Variants in FIGNL1 observed in about 807,000 individuals in gnomAD.
The protein encoded by FIGNL1 is fidgetin like 1.
In FIGNL1, 11 loss-of-function variants were observed where a neutral mutation model predicts 28.9. That is an observed-to-expected ratio of 0.38 (90% CI 0.24 to 0.63). The LOEUF (loss-of-function observed/expected upper bound fraction) is 0.63, where lower values mean the gene tolerates loss of function less well. Among genes scored for constraint, FIGNL1 ranks in the 20% least tolerant of loss-of-function variants. The probability of loss-of-function intolerance (pLI) is 0.57; values close to 1 mark genes in which losing one functional copy is unlikely to be tolerated. For missense variants in FIGNL1, 789 were observed against 810.4 expected (o/e 0.97, Z 0.32); for synonymous variants, 295 against 276.5 (o/e 1.07, Z -0.66).
chr7:50,446,784 A>G lies in FIGNL1; in HGVS notation c.504T>C (p.His168=), dbSNP rs141530086. 5.0e-6 allele frequency: 8 copies of G among 1,614,116 alleles called. No individual in the cohort carries two copies. The African/African-American group carries it at 9.3e-5, about 19-fold the overall frequency. Residue 168 remains histidine, a synonymous_variant, in exon 4 of 4, where the codon CAT becomes CAC. Coordinates refer to ENST00000433017, the MANE Select transcript of FIGNL1 (RefSeq NM_001287492.4). ...GGAAGTCTTGGGTCCGGTCTCGATCATGAGCTGAGTTAGGTAATGAGTCAC... is the reference window on the plus strand; with the variant it reads ...GGAAGTCTTGGGTCCGGTCTCGATCGTGAGCTGAGTTAGGTAATGAGTCAC... ...QESDSLPNSA[H]DRDRTQDFPE... is the part of the protein sequence containing the mutation.
chr7:50,446,963 CATTA>C lies in FIGNL1; in HGVS notation c.321_324del (p.Asn107LysfsTer5), dbSNP rs757776900. The C allele has an allele frequency of 6.2e-7, 1 of 1,614,202 alleles. No individual in the cohort carries two copies. Among genetic ancestry groups the C allele is most frequent in the Admixed American group, 1.7e-5 (1 of 60,024 alleles). On this transcript the variant is annotated frameshift_variant, in exon 4 of 4. Transcript: ENST00000433017. LOFTEE classifies it low-confidence loss of function (END_TRUNC). Reference sequence around the variant, plus strand: ...TTCTGTACACTACTCATTTTGAAAACATTATTTATTGACAATCCAGACTGCCACT... The same window carrying C: ...TTCTGTACACTACTCATTTTGAAAACTTTATTGACAATCCAGACTGCCACT...
At chr7:50,448,580 G>A (rs1821447660) in intron 2 of FIGNL1, 1 of 152,116 alleles carries the variant, frequency 6.6e-6, no homozygotes, top group African/African-American at 2.4e-5. Context: ...CATATTGCTA[G>A]ATATATAGAA....
chr7:50,446,570 C>T lies in FIGNL1; in HGVS notation c.718G>A (p.Val240Met), dbSNP rs139245614. The T allele has an allele frequency of 5.6e-5, 91 of 1,614,122 alleles. 1 individual carries two copies. Among genetic ancestry groups the T allele is most frequent in the Non-Finnish European group, 5.8e-5 (69 of 1,180,030 alleles). The change falls in exon 4 of 4, where the codon GTG becomes ATG. Residue 240 changes from valine to methionine, a missense_variant. Coordinates refer to ENST00000433017, the MANE Select transcript of FIGNL1 (RefSeq NM_001287492.4). ...AAACAAGACTGGTTAGATAAGAACA[C>T]ATTAAGTCCTATGTTTTCTTTTGCA... ...SSAKENIGLN[V>M]FLSNQSCFPA... is the part of the protein sequence containing the mutation.
rs1820754035 is a variant in FIGNL1 at position 50,446,191 on chromosome 7, G to A, written c.1097C>T (p.Thr366Ile). 6.2e-7 allele frequency: 1 copy of A among 1,614,064 alleles called. No individual in the cohort carries two copies. ...CTCATCAACTGGATGTGCTGGTTCT[G>A]TAGGTCCTGCCCCATAAGGCTTACA... ...MQCKPYGAGP[T>I]EPAHPVDERL... is the part of the protein sequence containing the mutation. Residue 366 changes from threonine to isoleucine, a missense_variant, in exon 4 of 4, where the codon ACA (threonine) becomes ATA (isoleucine). By Grantham distance (89) the Thr-to-Ile change is moderately conservative. Coordinates refer to ENST00000433017, the MANE Select transcript of FIGNL1 (RefSeq NM_001287492.4).
In FIGNL1 at chr7:50,447,044, A is replaced by C; in HGVS notation, c.244T>G (p.Tyr82Asp). The change falls in exon 4 of 4, where the codon TAT (tyrosine) becomes GAT (aspartate). Residue 82 changes from tyrosine (Y) to aspartate (D), a missense_variant. By Grantham distance (160) the Tyr-to-Asp change is radical. Coordinates refer to ENST00000433017, the MANE Select transcript of FIGNL1 (RefSeq NM_001287492.4). ...GCCAAAGTTAAAATGTTTTCTGCAT[A>C]ATTATTCAACCCAGATTCAACATTG... ...SDNVESGLNN[Y>D]AENILTLAGS... 2 of 1,614,246 alleles carry C rather than the reference A, an allele frequency of 1.2e-6. No homozygotes were observed. The highest frequency in any genetic ancestry group is 1.7e-6 in the Non-Finnish European group (2 of 1,180,036).
At position 50,446,737 on chromosome 7, in the gene FIGNL1, A is replaced by T. The variant is rs1465465488; in HGVS notation, c.551T>A (p.Leu184His). The T allele has an allele frequency of 2.5e-6, 4 of 1,614,086 alleles. No homozygotes were observed. In the African/African-American group the frequency reaches 4.0e-5, roughly 16 times the overall value. ...QDFPESNRLK[L>H]LQNAQPPMVT... is the part of the protein sequence containing the mutation. ...CATAGGTGGCTGGGCATTCTGAAGG[A>T]GTTTCAAACGATTGCTCTCCGGGAA... Residue 184 changes from leucine (L) to histidine (H), a missense_variant, in exon 4 of 4, where the codon CTC becomes CAC. Physicochemically the swap from Leu to His is moderately conservative, Grantham distance 99. Coordinates refer to ENST00000433017, the MANE Select transcript of FIGNL1 (RefSeq NM_001287492.4).
rs73349871 is a variant in FIGNL1 at position 50,447,438 on chromosome 7, T to C, written c.-10-141A>G. On this transcript the variant is annotated intron_variant, in intron 3 of 3. Transcript: ENST00000433017. ...AATGTAGATTTATAAGGACAGGTTA[T>C]AAGAGAAATATCTAGTTAACTATAG... 1,256 of 581,788 alleles carry C rather than the reference T, an allele frequency of 2.2e-3. 20 individuals are homozygous for C. The African/African-American group carries it at 0.022, about 10-fold the overall frequency. The allele number at this position is 581,788 out of a possible 1,614,324, so 36.0% of individuals were successfully genotyped here.
chr7:50,447,002 CTGTT>C lies in FIGNL1; in HGVS notation c.282_285del (p.Thr95IlefsTer11), dbSNP rs1335952585. 3.1e-6 allele frequency: 5 copies of C among 1,614,114 alleles called. No individual in the cohort carries two copies. Among genetic ancestry groups the C allele is most frequent in the Non-Finnish European group, 4.2e-6 (5 of 1,180,052 alleles). ...AATCCAGACTGCCACTTGTCACTAT[CTGTT>C]TGTTGAGATCCTGCCAAAGTTAAAA... On this transcript the variant is annotated frameshift_variant, in exon 4 of 4. Coordinates refer to ENST00000433017, the MANE Select transcript of FIGNL1 (RefSeq NM_001287492.4). LOFTEE classifies it low-confidence loss of function (END_TRUNC).
In FIGNL1 at chr7:50,448,185, G is replaced by A. The variant is rs1214098541; in HGVS notation, c.-15C>T. The A allele has an allele frequency of 5.9e-5, 9 of 152,160 alleles. No individual in the cohort carries two copies. Among genetic ancestry groups the A allele is most frequent in the Non-Finnish European group, 4.4e-5 (3 of 68,036 alleles). The allele number at this position is 152,160 out of a possible 1,614,324, so 9.4% of individuals were successfully genotyped here. On this transcript the variant is annotated 5_prime_UTR_variant, in exon 3 of 4. Transcript: ENST00000433017. ...TGAGAGACTTAAAGAACTTACTTGA[G>A]ATCACACAGCCAGTTATGAATGGTA...
Position 50,447,283 on chromosome 7 carries a change from T to G in FIGNL1, c.5A>C (p.Gln2Pro). The change falls in exon 4 of 4, where the codon CAG (glutamine) becomes CCG (proline). Residue 2 changes from glutamine (Q) to proline (P), a missense_variant. By Grantham distance (76) the Gln-to-Pro change is moderately conservative. Transcript: ENST00000433017. MQTSSSRSVHLS... is the reference protein window; with the variant it reads MPTSSSRSVHLS... ...GTGCACAGATCTAGAGCTGGAGGTC[T>G]GCATTTTAGAGGTTCTATAACAAAC... 1 of 1,574,678 alleles carries G rather than the reference T, an allele frequency of 6.4e-7. No individual in the cohort carries two copies. The highest frequency in any genetic ancestry group is 8.6e-7 in the Non-Finnish European group (1 of 1,157,158).
At chr7:50,447,349 A>G in intron 3 of FIGNL1, 52 bp from the exon 4 acceptor site, 1 of 1,300,804 alleles carries the variant, frequency 7.7e-7, no homozygotes. Flanking sequence ...CAAAGAAAAT[A>G]CTTTAAATGT....
intron 1 of FIGNL1, chr7:50,450,052 C>G (rs868031308): frequency 2.0e-5 from 3 of 152,386 alleles, no homozygotes; most frequent in Non-Finnish European, 4.4e-5. Context: ...CCGTCCACGC[C>G]GGGCCCCAGC....
Position 50,445,328 on chromosome 7 carries a change from T to C in FIGNL1, c.1960A>G (p.Ser654Gly). ...FENAFRTVRP[S>G]VSPKDLELYE... ...AGCTCTAAATCTTTTGGAGAAACAC[T>C]AGGTCGCACAGTTCTAAAAGCATTT... The change falls in exon 4 of 4, where the codon AGT becomes GGT. Residue 654 changes from serine to glycine, a missense_variant. Coordinates refer to ENST00000433017, the MANE Select transcript of FIGNL1 (RefSeq NM_001287492.4). 1.2e-6 allele frequency: 2 copies of C among 1,604,450 alleles called. No individual in the cohort carries two copies. Among genetic ancestry groups the C allele is most frequent in the Non-Finnish European group, 1.7e-6 (2 of 1,177,144 alleles).
At position 50,449,589 on chromosome 7, in the gene FIGNL1, A is replaced by G. The variant is rs992553613; in HGVS notation, c.-591T>C. On this transcript the variant is annotated 5_prime_UTR_variant, in exon 2 of 4. Transcript: ENST00000433017. ...AAGCACTGTGCAAGCCTTTCATAGG[A>G]TTCTGTTCTTGATGCAAAACGGGAG... 1 of 152,166 alleles carries G rather than the reference A, an allele frequency of 6.6e-6. No individual in the cohort carries two copies. The highest frequency in any genetic ancestry group is 2.4e-5 in the African/African-American group (1 of 41,442). The allele number at this position is 152,166 out of a possible 1,614,324, so 9.4% of individuals were successfully genotyped here.
intron 3 of FIGNL1, 165 bp from the exon 4 acceptor site, chr7:50,447,462 A>G (rs1018336883): frequency 1.2e-5 from 6 of 520,430 alleles, no homozygotes; most frequent in South Asian, 3.7e-5. Flanking sequence ...AGTTAACTAT[A>G]GATTTCAAGT....
rs747947919 is a variant in FIGNL1, at chr7:50,446,852, A to T, written c.436T>A (p.Phe146Ile). ...SVVIHKEATV[F>I]DLPKFSVCGS... is the part of the protein sequence containing the mutation. The stretch of plus-strand genomic sequence containing the variant: ...CAAACACTAAATTTAGGAAGATCAA[A>T]GACAGTGGCCTCCTTATGGATTACC... Residue 146 changes from phenylalanine to isoleucine, a missense_variant, in exon 4 of 4, where the codon TTT (phenylalanine) becomes ATT (isoleucine). Transcript: ENST00000433017. 1.2e-6 allele frequency: 2 copies of T among 1,614,156 alleles called. No individual in the cohort carries two copies. Among genetic ancestry groups the T allele is most frequent in the South Asian group, 2.2e-5 (2 of 91,092 alleles).
chr7:50,447,365 T>G (rs186412970), intron 3 of FIGNL1, 68 bp from the exon 4 acceptor site: 1 of 1,157,670 alleles, frequency 8.6e-7, no homozygotes, highest in African/African-American at 1.6e-5. Context: ...AATGTAATTT[T>G]GAAACTTCTG....
At chr7:50,448,845 A>G (rs1325037303) in intron 2 of FIGNL1, 1 of 152,248 alleles carries the variant, frequency 6.6e-6, no homozygotes, top group Admixed American at 6.5e-5. Flanking sequence ...TAAGATCCAG[A>G]GCTTTAAAGA....
chr7:50,448,340 T>A (rs529719652), intron 2 of FIGNL1, 51 bp from the exon 3 acceptor site: 31 of 152,344 alleles, frequency 2.0e-4, no homozygotes, highest in Admixed American at 1.8e-3. Context: ...TATGGCATAT[T>A]TAAATGGTTT....
Sources: allele counts gnomAD v4.1 joint callset, GRCh38; gene constraint gnomAD v4.1.1; transcripts MANE v1.5; gene names NCBI Gene and HGNC (gene_info 2026-07-23, HGNC 2026-07-21).